CPSF4: variants seen among roughly 807,000 people sequenced by gnomAD.
CPSF4 encodes cleavage and polyadenylation specificity factor subunit 4.
In CPSF4, 11 loss-of-function variants were observed where a neutral mutation model predicts 37.7. The observed-to-expected ratio is 0.29, with a 90% confidence interval of 0.18 to 0.48. The LOEUF (loss-of-function observed/expected upper bound fraction) is 0.48, where lower values mean the gene tolerates loss of function less well. Among genes scored for constraint, CPSF4 ranks in the 20% least tolerant of loss-of-function variants. CPSF4 has a pLI of 0.99. For synonymous variants in CPSF4, 132 were observed against 135.9 expected (o/e 0.97, Z 0.20); for missense variants, 144 against 359.5 (o/e 0.40, Z 4.85).
intron 3 of CPSF4, 120 bp from the exon 4 acceptor site, chr7:99,450,156 C>G: frequency 1.4e-6 from 1 of 725,948 alleles, no homozygotes; most frequent in South Asian, 1.5e-5. Flanking sequence ...AAACACTCTT[C>G]CCTGGCTCTC....
At chr7:99,445,871 G>A (rs1258469219) in intron 2 of CPSF4, among the ~76,000 whole-genome samples, 3 of 151,934 alleles carry the variant, frequency 2.0e-5, no homozygotes, top group Non-Finnish European at 4.4e-5. Context: ...GTAACAGAGT[G>A]AGACTCTGTC....
Position 99,448,312 on chromosome 7 carries a change from A to G in CPSF4, c.307+39A>G. The G allele has an allele frequency of 6.2e-7, 1 of 1,606,982 alleles. No homozygotes were observed. The highest frequency in any genetic ancestry group is 8.5e-7 in the Non-Finnish European group (1 of 1,176,468). On this transcript the variant is annotated intron_variant, in intron 3 of 7. Transcript: ENST00000292476. The surrounding 1 kb of genome is among the most constrained non-coding windows in gnomAD (Gnocchi z 4.4). ...AGCCCTGGAGGCTCTGCTGAGAACC[A>G]GGGTGCAGAGGGGTCCGCTGGCTGC...
At chr7:99,443,302 A>G (rs28544362) in intron 1 of CPSF4, 1 of 833,852 alleles carries the variant, frequency 1.2e-6, no homozygotes, top group South Asian at 1.3e-5. Context: ...CTATTTGACA[A>G]GGGGTTTTTT....
chr7:99,452,328 CCTT>C (rs750130501), intron 5 of CPSF4, 37 bp from the exon 6 acceptor site: 52 of 1,564,812 alleles, frequency 3.3e-5, no homozygotes, highest in African/African-American at 3.0e-4. Flanking sequence ...TGACCCCACT[CCTT>C]CTCTTGTTCT....
At chr7:99,439,285 C>G in intron 1 of CPSF4, 100 bp downstream of exon 1, 2 of 820,074 alleles carry the variant, frequency 2.4e-6, no homozygotes, top group Non-Finnish European at 3.7e-6. Flanking sequence ...GAGACCTCCC[C>G]CGGCTTCCTC....
In CPSF4 at chr7:99,439,067, G is replaced by GGCCGCC. The variant is rs760776672; in HGVS notation, c.-6_-1dup. On this transcript the variant is annotated 5_prime_UTR_variant, in exon 1 of 8. Coordinates refer to ENST00000292476, the MANE Select transcript of CPSF4 (RefSeq NM_006693.4). ...GACCGAGGGGGAGCCGGGCCGGTGG[G>GGCCGCC]GCCGCCGCCGCCGCCATGCAGGAAA... The GGCCGCC allele has an allele frequency of 3.8e-6, 6 of 1,599,988 alleles. No homozygotes were observed. Among genetic ancestry groups the GGCCGCC allele is most frequent in the Admixed American group, 3.4e-5 (2 of 58,826 alleles).
At chr7:99,443,311 T>C (rs17169545) in intron 1 of CPSF4, 2 of 884,120 alleles carry the variant, frequency 2.3e-6, no homozygotes, top group Non-Finnish European at 1.9e-6. Flanking sequence ...AAGGGGTTTT[T>C]TTCTTCTTCT....
In CPSF4 at chr7:99,448,460, T is replaced by A; in HGVS notation, c.307+187T>A. 6 of 123,598 alleles carry A rather than the reference T, an allele frequency of 4.9e-5. No homozygotes were observed. Among genetic ancestry groups the A allele is most frequent in the East Asian group, 2.0e-4 (1 of 5,098 alleles). The allele number at this position is 123,598 out of a possible 1,614,324, so 7.7% of individuals were successfully genotyped here. On this transcript the variant is annotated intron_variant, in intron 3 of 7. Transcript: ENST00000292476. This position sits in a 1 kb window ranked among gnomAD's most constrained non-coding sequence, Gnocchi z 4.4. ...AGTGTGGCTATTTTCTGCTCATCTC[T>A]TTTTTTTTTTTTTTTTTTTTAAAGA...
intron 5 of CPSF4, chr7:99,451,201 G>A (rs1245066550): frequency 4.2e-5 from 7 of 164,884 alleles, no homozygotes; most frequent in East Asian, 1.7e-4. Flanking sequence ...ATAAGTAGTC[G>A]TCTAACAGTG....
intron 1 of CPSF4, among the ~76,000 whole-genome samples, chr7:99,444,334 G>A (rs1000858065): frequency 4.6e-5 from 7 of 152,054 alleles, no homozygotes; most frequent in Admixed American, 1.3e-4. Context: ...GCAGGCACCT[G>A]TAATCCCAGC....
Position 99,450,385 on chromosome 7 carries a change from T to C in CPSF4, c.403+14T>C. 2 of 1,588,260 alleles carry C rather than the reference T, an allele frequency of 1.3e-6. No individual in the cohort carries two copies. Among genetic ancestry groups the C allele is most frequent in the Middle Eastern group, 1.7e-4 (1 of 6,020 alleles). ...TCTGCAAGCACGGTAGGTGCCAGGG[T>C]GGGCTGGGCCCCGGGCAAGAAGCCA... On this transcript the variant is annotated intron_variant, in intron 4 of 7. Coordinates refer to ENST00000292476, the MANE Select transcript of CPSF4 (RefSeq NM_006693.4).
At chr7:99,440,064 C>G (rs942544687) in intron 1 of CPSF4, among the ~76,000 whole-genome samples, 1 of 152,194 alleles carries the variant, frequency 6.6e-6, no homozygotes, top group African/African-American at 2.4e-5. Flanking sequence ...TCTTTCCTAT[C>G]TGGACATACT....
intron 1 of CPSF4, among the ~76,000 whole-genome samples, chr7:99,442,374 C>T (rs1363249494): frequency 1.3e-5 from 2 of 151,758 alleles, no homozygotes; most frequent in African/African-American, 2.4e-5. Flanking sequence ...GCAACATAAT[C>T]GGCCGGGCGT....
chr7:99,447,794 A>ACAGCCAGGATGGTCTCCGTGC, intron 2 of CPSF4: 1 of 460,158 alleles, frequency 2.2e-6, no homozygotes, highest in Non-Finnish European at 4.4e-6. Context: ...TTTCACCGTG[A>ACAGCCAGGATGGTCTCCGTGC]CAGCCAGGAT....
At chr7:99,454,481 TC>T (rs1402406715) in intron 7 of CPSF4, among the ~76,000 whole-genome samples, 7 of 152,156 alleles carry the variant, frequency 4.6e-5, no homozygotes, top group Admixed American at 2.0e-4. Flanking sequence ...CCTGGGGGCA[TC>T]CTTGGATCCT....
rs45609448 is a variant in CPSF4, at chr7:99,450,680, G to A, written c.404-22G>A. On this transcript the variant is annotated intron_variant, in intron 4 of 7. Transcript: ENST00000292476. ...TAACTGGTAGAGGGGACATCTAAGT[G>A]ACCGGACACTTGGCTCTGCAGGTCC... The A allele has an allele frequency of 2.4e-3, 3,828 of 1,586,364 alleles. 37 individuals are homozygous for A. The African/African-American group carries it at 0.037, about 15-fold the overall frequency.
Position 99,453,642 on chromosome 7 carries a change from C to T in CPSF4, c.571-324C>T. On this transcript the variant is annotated intron_variant, in intron 6 of 7. Transcript: ENST00000292476. This position sits in a 1 kb window ranked among gnomAD's most constrained non-coding sequence, Gnocchi z 4.7. ...TGGCTGAACCAAGCGTTCATCCTGA[C>T]CTGAAGCCAGAACCTCAGAAACCAA... is the stretch of plus-strand genomic sequence containing the variant. The T allele has an allele frequency of 3.9e-6, 1 of 259,526 alleles. No homozygotes were observed. Among genetic ancestry groups the T allele is most frequent in the East Asian group, 9.4e-5 (1 of 10,664 alleles). 16.1% of individuals were successfully genotyped at this position (259,526 alleles called of 1,614,324 possible).
At chr7:99,450,939 A>G in intron 5 of CPSF4, 144 bp downstream of exon 5, 1 of 626,914 alleles carries the variant, frequency 1.6e-6, no homozygotes, top group Non-Finnish European at 2.9e-6. Context: ...ATGGGGAAGT[A>G]ATCCCTGCTT....
At chr7:99,454,248 TG>T (rs886679605) in intron 7 of CPSF4, 112 bp downstream of exon 7, 16 of 1,033,004 alleles carry the variant, frequency 1.5e-5, no homozygotes, top group Non-Finnish European at 2.2e-5. Context: ...TCATTTTTGC[TG>T]ATTGTAAGCA....
Sources: allele counts gnomAD v4.1 joint callset (sites outside exome capture counted in the v4.1 genomes callset), GRCh38; gene constraint gnomAD v4.1.1; non-coding constraint Gnocchi (gnomAD v3.1); transcripts MANE v1.5; gene names NCBI Gene and HGNC (gene_info 2026-07-23, HGNC 2026-07-21).